TAFA1: variants seen among roughly 807,000 people sequenced by gnomAD.
TAFA1 encodes TAFA chemokine like family member 1, also known as chemokine-like protein TAFA-1.
TAFA1 carries 4 observed loss-of-function variants against 18.5 expected under a neutral mutation model. The ratio of observed to expected loss-of-function variants is 0.22; its 90% CI spans 0.11 to 0.49. TAFA1 has a LOEUF of 0.49. TAFA1 is among the 20% of genes least tolerant of loss of function. The pLI, the probability that TAFA1 is intolerant of heterozygous loss-of-function variation, is 0.98. For synonymous variants in TAFA1, 56 were observed against 55.2 expected, an observed-to-expected ratio of 1.01 and a Z score of -0.06; for missense variants, 147 against 169.0, an observed-to-expected ratio of 0.87 and a Z score of 0.72.
At chr3:68,106,030 CT>C (rs1242940089) in intron 2 of TAFA1, among the ~76,000 whole-genome samples, 2 of 151,990 alleles carry the variant, frequency 1.3e-5, no homozygotes, top group African/African-American at 2.4e-5. Context: ...CCCAGGTATG[CT>C]TGTTTAAAAG....
chr3:68,280,395 C>G (rs963606345), intron 2 of TAFA1, among the ~76,000 whole-genome samples: 1 of 152,010 alleles, frequency 6.6e-6, no homozygotes, highest in Non-Finnish European at 1.5e-5. Context: ...TTTATTCTGC[C>G]CTGTTTGGTG....
At chr3:68,093,552 T>C (rs2065052529) in intron 2 of TAFA1, among the ~76,000 whole-genome samples, 1 of 152,062 alleles carries the variant, frequency 6.6e-6, no homozygotes, top group African/African-American at 2.4e-5. Context: ...TTTGCAGCAC[T>C]GTGGTGGGAT....
intron 2 of TAFA1, among the ~76,000 whole-genome samples, chr3:68,216,763 C>G (rs2066663272): frequency 6.6e-6 from 1 of 152,064 alleles, no homozygotes; most frequent in African/African-American, 2.4e-5. Context: ...AAAGACATCA[C>G]TCCATAATCG....
intron 2 of TAFA1, among the ~76,000 whole-genome samples, chr3:68,275,590 A>G (rs1418144438): frequency 6.6e-6 from 1 of 151,960 alleles, no homozygotes; most frequent in Non-Finnish European, 1.5e-5. Flanking sequence ...CAGATAAAGT[A>G]TATGAAACAA....
At chr3:68,227,249 C>A (rs1363256804) in intron 2 of TAFA1, among the ~76,000 whole-genome samples, 1 of 152,156 alleles carries the variant, frequency 6.6e-6, no homozygotes, top group African/African-American at 2.4e-5. Flanking sequence ...TCCTAGCAAT[C>A]TCTGTTTAGG....
At chr3:68,265,760 C>T (rs534747665) in intron 2 of TAFA1, among the ~76,000 whole-genome samples, 11 of 152,244 alleles carry the variant, frequency 7.2e-5, no homozygotes, top group Admixed American at 3.9e-4. Flanking sequence ...TGAACTGTTG[C>T]GTACTGCAGA....
intron 2 of TAFA1, among the ~76,000 whole-genome samples, chr3:68,370,341 T>TACACACACACAC (rs1559637447): frequency 3.9e-4 from 27 of 69,104 alleles, no homozygotes; most frequent in African/African-American, 1.6e-3. Flanking sequence ...TATATATATA[T>TACACACACACAC]ATATATATAT....
intron 2 of TAFA1, among the ~76,000 whole-genome samples, chr3:68,094,361 G>A (rs1218767048): frequency 6.6e-6 from 1 of 151,994 alleles, no homozygotes; most frequent in Non-Finnish European, 1.5e-5. Context: ...TCCTCAATTA[G>A]AAGATGAGGT....
chr3:68,432,493 C>CA (rs2071196001), intron 3 of TAFA1, among the ~76,000 whole-genome samples: 1 of 151,890 alleles, frequency 6.6e-6, no homozygotes, highest in Non-Finnish European at 1.5e-5. Context: ...AGAAATCATG[C>CA]AATTTTGATT....
chr3:68,341,109 G>A (rs1173169284), intron 2 of TAFA1, among the ~76,000 whole-genome samples: 1 of 152,188 alleles, frequency 6.6e-6, no homozygotes, highest in Non-Finnish European at 1.5e-5. Context: ...ATCAAGACAG[G>A]AGAATTGCAA....
intron 2 of TAFA1, among the ~76,000 whole-genome samples, chr3:68,271,010 T>A (rs1237769281): frequency 2.6e-5 from 4 of 152,126 alleles, no homozygotes; most frequent in Non-Finnish European, 5.9e-5. Context: ...TCTAAACTGC[T>A]TAAGCCGAGA....
At chr3:68,197,568 A>G (rs1042373693) in intron 2 of TAFA1, among the ~76,000 whole-genome samples, 1 of 146,480 alleles carries the variant, frequency 6.8e-6, no homozygotes, top group African/African-American at 2.5e-5. Context: ...AGAAATGTCA[A>G]TGCCTTTTTT....
upstream of TAFA1, among the ~76,000 whole-genome samples, chr3:68,003,830 A>G (rs1208081379): frequency 6.6e-6 from 1 of 152,226 alleles, no homozygotes; most frequent in African/African-American, 2.4e-5. Flanking sequence ...GCATATACGC[A>G]TCTATGTCCT....
intron 2 of TAFA1, among the ~76,000 whole-genome samples, chr3:68,291,655 G>C (rs2068111378): frequency 1.3e-5 from 2 of 151,696 alleles, no homozygotes; most frequent in South Asian, 4.2e-4. Flanking sequence ...CGTTAAGGTA[G>C]TGCAGAATCA....
At chr3:68,077,259 G>C (rs1474221550) in intron 2 of TAFA1, among the ~76,000 whole-genome samples, 12 of 141,562 alleles carry the variant, frequency 8.5e-5, no homozygotes, top group Non-Finnish European at 1.5e-4. Flanking sequence ...TTTGTAGGTT[G>C]CCTGTTCACT....
intron 2 of TAFA1, among the ~76,000 whole-genome samples, chr3:68,251,825 CT>C (rs952143481): frequency 2.2e-4 from 34 of 152,268 alleles, no homozygotes; most frequent in African/African-American, 7.7e-4. Flanking sequence ...GGGTTTCTTT[CT>C]TTTGATCAGC....
intron 3 of TAFA1, among the ~76,000 whole-genome samples, chr3:68,490,856 G>A (rs1362898317): frequency 6.7e-6 from 1 of 149,800 alleles, no homozygotes; most frequent in Non-Finnish European, 1.5e-5. Flanking sequence ...TTTTTGTGGG[G>A]GGGACAGGGT....
intron 2 of TAFA1, among the ~76,000 whole-genome samples, chr3:68,411,565 T>C (rs1575843564): frequency 6.6e-6 from 1 of 152,296 alleles, no homozygotes; most frequent in East Asian, 1.9e-4. Flanking sequence ...TGTCATTTAA[T>C]ACTACCTTTA....
chr3:68,539,728 G>A (rs1427688018), intron 4 of TAFA1, among the ~76,000 whole-genome samples: 4 of 119,190 alleles, frequency 3.4e-5, no homozygotes, highest in African/African-American at 6.5e-5. Flanking sequence ...GTGGTGGGGG[G>A]AGGGGGTGCA....
Sources: gnomAD v4.1 joint callset for allele counts (sites outside exome capture counted in the v4.1 genomes callset) on GRCh38, gnomAD v4.1.1 for gene constraint, MANE v1.5 for transcripts, NCBI Gene and HGNC (gene_info 2026-07-23, HGNC 2026-07-21) for gene names.